The following COL13A1 variants were observed in gnomAD, a reference collection of about 807,000 sequenced individuals.
COL13A1 encodes collagen alpha-1(XIII) chain.
In COL13A1, 89 loss-of-function variants were observed where a neutral mutation model predicts 130.9. The ratio of observed to expected loss-of-function variants is 0.68; its 90% CI spans 0.57 to 0.81. COL13A1 has a LOEUF of 0.81. Ranked by LOEUF, COL13A1 falls within the 30% of genes least tolerant of loss-of-function variation. The pLI is 0.00. For synonymous variants in COL13A1, 402 were observed against 341.6 expected (o/e 1.18, Z -1.95); for missense variants, 879 against 934.6 (o/e 0.94, Z 0.78).
chr10:69,906,386 T>C (rs2062754583), intron 17 of COL13A1, among the ~76,000 whole-genome samples: 1 of 152,030 alleles, frequency 6.6e-6, no homozygotes, highest in African/African-American at 2.4e-5. Flanking sequence ...ACATGACAGA[T>C]AGAAGGGTGG....
intron 2 of COL13A1, among the ~76,000 whole-genome samples, chr10:69,862,044 AT>A (rs1202590897): frequency 1.3e-5 from 2 of 152,182 alleles, no homozygotes; most frequent in African/African-American, 4.8e-5. Context: ...ACCATGGCCA[AT>A]TTCCAGCTGC....
intron 31 of COL13A1, among the ~76,000 whole-genome samples, chr10:69,933,077 A>T (rs539002165): frequency 7.2e-6 from 1 of 139,154 alleles, no homozygotes; most frequent in Non-Finnish European, 1.5e-5. Context: ...CAGAGGTTAC[A>T]GTGAGCCAGG....
At chr10:69,911,993 G>A (rs932273990) in intron 17 of COL13A1, among the ~76,000 whole-genome samples, 1 of 152,220 alleles carries the variant, frequency 6.6e-6, no homozygotes, top group Non-Finnish European at 1.5e-5. Context: ...GGAAGCCCTA[G>A]ATGCAGGAGC....
rs34631476 is a variant in COL13A1, at chr10:69,896,202, T to G, written c.684+626T>G. Among the ~76,000 whole-genome samples the G allele has an allele frequency of 5.4e-3, 825 of 152,192 alleles. 5 individuals carry two copies. The highest frequency in any genetic ancestry group is 0.011 in the South Asian group (54 of 4,806). ...GGGTGGGGATTTCAGGCTGAGATGG[T>G]TCCTCTGCCCACCCCCGCCTGCTCC... On this transcript the variant is annotated intron_variant, in intron 13 of 40. Transcript: ENST00000645393.
At chr10:69,931,798 C>T (rs759649675) in intron 30 of COL13A1, among the ~76,000 whole-genome samples, 5 of 152,326 alleles carry the variant, frequency 3.3e-5, no homozygotes, top group Admixed American at 6.5e-5. Flanking sequence ...TCACTGCAAA[C>T]GTAGCGGCCT....
intron 4 of COL13A1, among the ~76,000 whole-genome samples, chr10:69,873,961 G>C (rs1228565831): frequency 6.6e-6 from 1 of 152,194 alleles, no homozygotes; most frequent in Admixed American, 6.5e-5. Flanking sequence ...GCTTCTCAGA[G>C]ACAGCATCAT....
intron 36 of COL13A1, among the ~76,000 whole-genome samples, chr10:69,944,900 C>T (rs4082516): frequency 1.3e-5 from 2 of 152,088 alleles, no homozygotes; most frequent in African/African-American, 4.8e-5. Flanking sequence ...GATAATTCCT[C>T]GAGGACAGCA....
chr10:69,912,155 C>G (rs544415700), intron 17 of COL13A1, among the ~76,000 whole-genome samples: 1 of 152,198 alleles, frequency 6.6e-6, no homozygotes, highest in Non-Finnish European at 1.5e-5. Context: ...GCACTCTGGG[C>G]TTTGTTTTTC....
At chr10:69,815,349 C>T (rs144809544) in intron 1 of COL13A1, among the ~76,000 whole-genome samples, 1 of 152,132 alleles carries the variant, frequency 6.6e-6, no homozygotes, top group Non-Finnish European at 1.5e-5. Flanking sequence ...GGCATTTTCC[C>T]TTTGATACTG....
At chr10:69,874,582 G>A (rs1314016987) in intron 4 of COL13A1, among the ~76,000 whole-genome samples, 3 of 152,316 alleles carry the variant, frequency 2.0e-5, no homozygotes. Flanking sequence ...TGTCAGTACT[G>A]GAGGTGGCCG....
At chr10:69,842,267 A>G (rs941601837) in intron 2 of COL13A1, among the ~76,000 whole-genome samples, 2 of 152,198 alleles carry the variant, frequency 1.3e-5, no homozygotes, top group African/African-American at 2.4e-5. Flanking sequence ...CTGCCGCCAC[A>G]TTAAGACGTG....
At position 69,868,946 on chromosome 10, in the gene COL13A1, T is replaced by A. The variant is rs11818280; in HGVS notation, c.372+1141T>A. ...CTTTCACCTGTGGGAAATGTGCTGCTTTTCCCTGTCTCATTCTGAGGAAGC... is the reference window on the plus strand; with the variant it reads ...CTTTCACCTGTGGGAAATGTGCTGCATTTCCCTGTCTCATTCTGAGGAAGC... On this transcript the variant is annotated intron_variant, in intron 3 of 40. Coordinates refer to ENST00000645393, the MANE Select transcript of COL13A1 (RefSeq NM_001368882.1). Among the ~76,000 whole-genome samples, 918 of 152,346 alleles carry A rather than the reference T, an allele frequency of 6.0e-3. 6 individuals are homozygous for A. The highest frequency in any genetic ancestry group is 0.021 in the African/African-American group (871 of 41,584).
chr10:69,888,379 CT>C (rs2060813021), intron 9 of COL13A1, 49 bp downstream of exon 9: 1 of 1,599,826 alleles, frequency 6.3e-7, no homozygotes, highest in African/African-American at 1.3e-5. Context: ...GATCCTGGAT[CT>C]CTTGGTCATT....
intron 5 of COL13A1, 55 bp downstream of exon 5, chr10:69,875,218 G>A (rs2059459995): frequency 1.2e-6 from 2 of 1,608,680 alleles, no homozygotes; most frequent in Non-Finnish European, 1.7e-6. Flanking sequence ...TCTCCGTGCT[G>A]GCCTGTCCTC....
At chr10:69,808,683 C>T (rs775011633) in intron 1 of COL13A1, among the ~76,000 whole-genome samples, 1 of 152,208 alleles carries the variant, frequency 6.6e-6, no homozygotes, top group African/African-American at 2.4e-5. Context: ...ACACATGACC[C>T]GATGACAGCG....
intron 33 of COL13A1, among the ~76,000 whole-genome samples, chr10:69,937,192 G>C (rs1282189941): frequency 6.6e-6 from 1 of 152,224 alleles, no homozygotes; most frequent in Non-Finnish European, 1.5e-5. Context: ...AATGGATGAG[G>C]GGGCTGGGGG....
At chr10:69,823,357 C>T (rs1846610883) in intron 2 of COL13A1, among the ~76,000 whole-genome samples, 1 of 152,206 alleles carries the variant, frequency 6.6e-6, no homozygotes, top group Admixed American at 6.5e-5. Context: ...TGCACTGTAC[C>T]TCTTTAGAGG....
In COL13A1 at chr10:69,925,727, T is replaced by A. The variant is rs190435480; in HGVS notation, c.1330-77T>A. On this transcript the variant is annotated intron_variant, in intron 25 of 40. Transcript: ENST00000645393. ...GCAGCTAGGTGCAGCCAGTGTGGGCTGATAGAGAGCAGGCCACAGTTGCCC... is the reference window on the plus strand; with the variant it reads ...GCAGCTAGGTGCAGCCAGTGTGGGCAGATAGAGAGCAGGCCACAGTTGCCC... The A allele has an allele frequency of 1.0e-3, 1,121 of 1,081,478 alleles. 1 individual carries two copies. Among genetic ancestry groups the A allele is most frequent in the Admixed American group, 3.1e-3 (156 of 49,874 alleles). The allele number at this position is 1,081,478 out of a possible 1,614,324, so 67.0% of individuals were successfully genotyped here. A position where few individuals can be genotyped will look rare whatever the true frequency, so the allele number is the denominator to read the frequency against.
intron 2 of COL13A1, among the ~76,000 whole-genome samples, chr10:69,837,580 G>C (rs1850440489): frequency 6.6e-6 from 1 of 152,174 alleles, no homozygotes; most frequent in Non-Finnish European, 1.5e-5. Flanking sequence ...CTATTTCTAG[G>C]GATGAAGTCA....
Sources: allele counts gnomAD v4.1 joint callset (sites outside exome capture counted in the v4.1 genomes callset), GRCh38; gene constraint gnomAD v4.1.1; transcripts MANE v1.5; gene names NCBI Gene and HGNC (gene_info 2026-07-23, HGNC 2026-07-21).